ERBB4: variants seen among roughly 807,000 people sequenced by gnomAD.
The protein encoded by ERBB4 is erb-b2 receptor tyrosine kinase 4, also known as receptor tyrosine-protein kinase erbB-4.
Under a neutral mutation model 158.0 loss-of-function variants are expected in ERBB4, and 42 were observed. The ratio of observed to expected loss-of-function variants is 0.27; its 90% CI spans 0.21 to 0.34. ERBB4 has a LOEUF of 0.34. Among genes scored for constraint, ERBB4 ranks in the 10% least tolerant of loss-of-function variants. The pLI is 1.00. For synonymous variants in ERBB4, 583 were observed against 558.7 expected (o/e 1.04, Z -0.61); for missense variants, 1,333 against 1,624.1 (o/e 0.82, Z 3.08).
chr2:212,467,847 G>A lies in ERBB4; in HGVS notation c.82+70602C>T, dbSNP rs1270563967. On this transcript the variant is annotated intron_variant, in intron 1 of 27. Coordinates refer to ENST00000342788, the MANE Select transcript of ERBB4 (RefSeq NM_005235.3). ...GAAAAACTGCAGATGCTCAACACCC[G>A]CCCATGAAAGCAGCTGGAAGGAGGC... Among the ~76,000 whole-genome samples the A allele has an allele frequency of 6.6e-5, 10 of 152,302 alleles. No homozygotes were observed. In the East Asian group the frequency reaches 1.2e-3, roughly 18 times the overall value.
At chr2:211,509,745 C>T (rs1273470957) in intron 20 of ERBB4, among the ~76,000 whole-genome samples, 2 of 151,946 alleles carry the variant, frequency 1.3e-5, no homozygotes, top group Admixed American at 1.3e-4. Flanking sequence ...AACAACTCAA[C>T]AAGAAAAATA....
intron 20 of ERBB4, among the ~76,000 whole-genome samples, chr2:211,521,541 T>C (rs1037669526): frequency 6.6e-6 from 1 of 152,190 alleles, no homozygotes; most frequent in African/African-American, 2.4e-5. Context: ...TGTAGCAAGT[T>C]ATCCAGAAGA....
intron 1 of ERBB4, among the ~76,000 whole-genome samples, chr2:212,182,694 A>C (rs1218027583): frequency 6.6e-6 from 1 of 151,920 alleles, no homozygotes; most frequent in Non-Finnish European, 1.5e-5. Context: ...TGGTAGCTTG[A>C]AATTAAACAT....
At chr2:211,398,492 A>G (rs893353664) in intron 25 of ERBB4, among the ~76,000 whole-genome samples, 2 of 151,984 alleles carry the variant, frequency 1.3e-5, no homozygotes, top group African/African-American at 4.8e-5. Flanking sequence ...GTTCTCCTTG[A>G]TCTCATTCTT....
At chr2:212,045,862 C>T (rs1239989753) in intron 2 of ERBB4, among the ~76,000 whole-genome samples, 2 of 152,098 alleles carry the variant, frequency 1.3e-5, no homozygotes, top group Non-Finnish European at 2.9e-5. Flanking sequence ...TTACAAATGA[C>T]CAGTAATATA....
chr2:211,639,022 A>G (rs937066340), intron 16 of ERBB4, among the ~76,000 whole-genome samples: 12 of 152,300 alleles, frequency 7.9e-5, no homozygotes, highest in African/African-American at 2.9e-4. Flanking sequence ...CTACAACTAA[A>G]GTGTTGAAAA....
intron 1 of ERBB4, among the ~76,000 whole-genome samples, chr2:212,242,474 A>G (rs2084145950): frequency 6.6e-6 from 1 of 152,200 alleles, no homozygotes; most frequent in African/African-American, 2.4e-5. Context: ...CATCTCAAGA[A>G]AATAGTTTGC....
At chr2:212,530,701 G>C (rs1164420455) in intron 1 of ERBB4, among the ~76,000 whole-genome samples, 3 of 152,102 alleles carry the variant, frequency 2.0e-5, no homozygotes, top group Non-Finnish European at 4.4e-5. Context: ...CGCATTTTTT[G>C]AAAGCAGGTT....
intron 20 of ERBB4, among the ~76,000 whole-genome samples, chr2:211,493,015 A>T (rs1178954305): frequency 1.3e-5 from 2 of 152,120 alleles, no homozygotes; most frequent in African/African-American, 4.8e-5. Flanking sequence ...CTCAGGTTTT[A>T]TATGTCATTA....
At chr2:211,768,167 G>T (rs983432832) in intron 4 of ERBB4, among the ~76,000 whole-genome samples, 3 of 152,182 alleles carry the variant, frequency 2.0e-5, no homozygotes, top group Non-Finnish European at 1.5e-5. Flanking sequence ...ACTCTGTAAT[G>T]ATCTCCTTTG....
At chr2:211,490,294 G>A (rs1465607986) in intron 20 of ERBB4, among the ~76,000 whole-genome samples, 1 of 137,374 alleles carries the variant, frequency 7.3e-6, no homozygotes, top group Non-Finnish European at 1.6e-5. Flanking sequence ...ACTCTCTCAT[G>A]AAACTCATTA....
chr2:211,590,236 G>C (rs774643910), intron 19 of ERBB4, among the ~76,000 whole-genome samples: 1 of 152,162 alleles, frequency 6.6e-6, no homozygotes, highest in Non-Finnish European at 1.5e-5. Flanking sequence ...ATTCATTCCT[G>C]AGCATAGGCA....
At chr2:211,414,103 G>A (rs1321058169) in intron 25 of ERBB4, among the ~76,000 whole-genome samples, 2 of 152,058 alleles carry the variant, frequency 1.3e-5, no homozygotes, top group Non-Finnish European at 2.9e-5. Context: ...AGACTCTCTG[G>A]GGACCCTTCC....
chr2:211,436,938 G>T (rs2063867853), intron 20 of ERBB4, among the ~76,000 whole-genome samples: 1 of 152,154 alleles, frequency 6.6e-6, no homozygotes, highest in Non-Finnish European at 1.5e-5. Flanking sequence ...GAATAAAATA[G>T]ATCTAAAAGG....
chr2:212,325,941 T>C (rs1459371297), intron 1 of ERBB4, among the ~76,000 whole-genome samples: 1 of 150,662 alleles, frequency 6.6e-6, no homozygotes, highest in East Asian at 1.9e-4. Context: ...AAACTACACC[T>C]ATTACCAAGA....
At chr2:211,929,448 C>A (rs557300054) in intron 3 of ERBB4, among the ~76,000 whole-genome samples, 2 of 152,112 alleles carry the variant, frequency 1.3e-5, no homozygotes, top group South Asian at 2.1e-4. Flanking sequence ...GACCCTAGAG[C>A]AATTTGAAAA....
intron 5 of ERBB4, among the ~76,000 whole-genome samples, chr2:211,743,560 A>G (rs1025308185): frequency 6.6e-6 from 1 of 152,174 alleles, no homozygotes; most frequent in Admixed American, 6.6e-5. Context: ...TTTAATCATT[A>G]TTATTTATTT....
intron 2 of ERBB4, among the ~76,000 whole-genome samples, chr2:212,042,262 C>A (rs745452599): frequency 1.3e-5 from 2 of 151,994 alleles, no homozygotes; most frequent in Admixed American, 6.6e-5. Context: ...CACAATAAGA[C>A]CTTGCAGGCG....
chr2:212,136,329 T>C (rs1339320933), intron 1 of ERBB4, among the ~76,000 whole-genome samples: 1 of 152,206 alleles, frequency 6.6e-6, no homozygotes. Context: ...CAGCTAATGT[T>C]TACTTGACTA....
Sources: allele counts gnomAD v4.1 joint callset (sites outside exome capture counted in the v4.1 genomes callset), GRCh38; gene constraint gnomAD v4.1.1; transcripts MANE v1.5; gene names NCBI Gene and HGNC (gene_info 2026-07-23, HGNC 2026-07-21).